The following CADM2 variants were observed in gnomAD, a reference collection of about 807,000 sequenced individuals.
CADM2 encodes immunoglobulin superfamily member 4D.
CADM2 carries 12 observed loss-of-function variants against 49.8 expected under a neutral mutation model. The ratio of observed to expected loss-of-function variants is 0.24; its 90% CI spans 0.15 to 0.39. The LOEUF is 0.39. CADM2 is among the 10% of genes least tolerant of loss of function. The pLI is 1.00. For missense variants in CADM2, 378 were observed against 492.3 expected (o/e 0.77, Z 2.20); for synonymous variants, 214 against 175.4 (o/e 1.22, Z -1.74).
intron 1 of CADM2, among the ~76,000 whole-genome samples, chr3:85,245,124 A>G (rs1022116631): frequency 6.6e-6 from 1 of 152,162 alleles, no homozygotes; most frequent in Non-Finnish European, 1.5e-5. Context: ...TTGCCATGTG[A>G]ACCATCAAAG....
intron 1 of CADM2, among the ~76,000 whole-genome samples, chr3:85,023,775 T>A (rs2034608576): frequency 6.6e-6 from 1 of 152,086 alleles, no homozygotes; most frequent in African/African-American, 2.4e-5. Flanking sequence ...TTTTTATCAT[T>A]TTTTTAAAAT....
chr3:85,442,469 A>G (rs2037248663), intron 1 of CADM2, among the ~76,000 whole-genome samples: 1 of 97,008 alleles, frequency 1.0e-5, no homozygotes, highest in Non-Finnish European at 2.4e-5. Context: ...ATTACAAAGA[A>G]AAATAATAAT....
At chr3:85,920,152 A>G (rs2108501414) in intron 6 of CADM2, among the ~76,000 whole-genome samples, 1 of 151,988 alleles carries the variant, frequency 6.6e-6, no homozygotes, top group African/African-American at 2.4e-5. Flanking sequence ...TTCAGGATAT[A>G]TCAGCTTATC....
At chr3:85,203,840 TC>T (rs2041567658) in intron 1 of CADM2, among the ~76,000 whole-genome samples, 2 of 152,294 alleles carry the variant, frequency 1.3e-5, no homozygotes, top group African/African-American at 4.8e-5. Context: ...GTAATATCAT[TC>T]CTCCTATGTA....
intron 1 of CADM2, among the ~76,000 whole-genome samples, chr3:85,076,960 A>C (rs551744710): frequency 5.9e-5 from 9 of 152,296 alleles, no homozygotes; most frequent in African/African-American, 1.9e-4. Flanking sequence ...CACCAGAGAG[A>C]GACTCCGTCT....
chr3:85,497,860 A>G (rs1023828538), intron 1 of CADM2, among the ~76,000 whole-genome samples: 4 of 151,842 alleles, frequency 2.6e-5, no homozygotes, highest in African/African-American at 7.3e-5. Flanking sequence ...ATTTATCTGT[A>G]TATCTATTAT....
At chr3:85,079,612 A>G (rs1575821557) in intron 1 of CADM2, among the ~76,000 whole-genome samples, 1 of 151,832 alleles carries the variant, frequency 6.6e-6, no homozygotes, top group Non-Finnish European at 1.5e-5. Flanking sequence ...GTATAATAAT[A>G]AGACAATGCT....
chr3:85,562,829 A>G (rs2062138751), intron 1 of CADM2, among the ~76,000 whole-genome samples: 1 of 152,164 alleles, frequency 6.6e-6, no homozygotes, highest in Non-Finnish European at 1.5e-5. Flanking sequence ...ACTTGTAAAT[A>G]TGCCACAGTC....
intron 1 of CADM2, among the ~76,000 whole-genome samples, chr3:85,169,118 AGTTTTGTTTTGTTCT>A (rs1340606362): frequency 6.6e-6 from 1 of 151,792 alleles, no homozygotes; most frequent in African/African-American, 2.4e-5. Context: ...AAGCCCAGCT[AGTTTTGTTTTGTTCT>A]GTTTTGTTTT....
At chr3:85,292,943 G>A (rs1180198504) in intron 1 of CADM2, among the ~76,000 whole-genome samples, 1 of 151,928 alleles carries the variant, frequency 6.6e-6, no homozygotes, top group African/African-American at 2.4e-5. Flanking sequence ...TAAAATCAGA[G>A]CAGAACTGAA....
At chr3:85,990,494 G>T (rs776423421) in intron 8 of CADM2, among the ~76,000 whole-genome samples, 9 of 152,144 alleles carry the variant, frequency 5.9e-5, no homozygotes, top group Non-Finnish European at 1.0e-4. Context: ...ATTGCTTATT[G>T]CAGGCTGCGT....
chr3:85,963,871 G>A (rs959016566), intron 8 of CADM2, among the ~76,000 whole-genome samples: 1 of 151,766 alleles, frequency 6.6e-6, no homozygotes, highest in Non-Finnish European at 1.5e-5. Context: ...TTCATCAAAA[G>A]CATCCCATAG....
chr3:85,317,415 C>T (rs1384988423), intron 1 of CADM2, among the ~76,000 whole-genome samples: 2 of 151,974 alleles, frequency 1.3e-5, no homozygotes, highest in African/African-American at 2.4e-5. Flanking sequence ...AATGTGTAGA[C>T]TATATAAGGG....
At chr3:85,412,652 A>G (rs2035710579) in intron 1 of CADM2, among the ~76,000 whole-genome samples, 1 of 152,148 alleles carries the variant, frequency 6.6e-6, no homozygotes, top group African/African-American at 2.4e-5. Flanking sequence ...AATAAAGATT[A>G]GGAGTATCCT....
chr3:85,347,893 C>T (rs1196895323), intron 1 of CADM2, among the ~76,000 whole-genome samples: 5 of 151,456 alleles, frequency 3.3e-5, no homozygotes, highest in African/African-American at 1.2e-4. Context: ...GTGCAAGCTC[C>T]GCCTCCTAGG....
chr3:86,044,379 C>A (rs536331926), intron 8 of CADM2, among the ~76,000 whole-genome samples: 1 of 152,158 alleles, frequency 6.6e-6, no homozygotes, highest in Non-Finnish European at 1.5e-5. Flanking sequence ...AAACAAACAA[C>A]CCCATCAACA....
intron 8 of CADM2, among the ~76,000 whole-genome samples, chr3:85,983,394 G>T (rs1229098288): frequency 1.3e-5 from 2 of 151,594 alleles, no homozygotes; most frequent in Admixed American, 6.6e-5. Context: ...TACATCTTTG[G>T]ATATGAGTTT....
intron 1 of CADM2, among the ~76,000 whole-genome samples, chr3:85,082,647 A>G (rs1559651009): frequency 6.6e-6 from 1 of 152,148 alleles, no homozygotes; most frequent in Non-Finnish European, 1.5e-5. Context: ...TTGAATACAT[A>G]ACAATGAAGG....
chr3:85,099,334 A>G (rs2037923975), intron 1 of CADM2, among the ~76,000 whole-genome samples: 1 of 152,194 alleles, frequency 6.6e-6, no homozygotes, highest in Non-Finnish European at 1.5e-5. Context: ...AAACTCCATC[A>G]GGGTTTGATC....
Sources: allele counts gnomAD v4.1 joint callset (sites outside exome capture counted in the v4.1 genomes callset), GRCh38; gene constraint gnomAD v4.1.1; transcripts MANE v1.5; gene names NCBI Gene and HGNC (gene_info 2026-07-23, HGNC 2026-07-21).